The following TARBP1 variants were observed in gnomAD, a reference collection of about 807,000 sequenced individuals.
TARBP1 encodes the protein tRNA guanosine 2 -O-methyltransferase TARBP1.
TARBP1 carries 144 observed loss-of-function variants against 178.6 expected under a neutral mutation model. That is an observed-to-expected ratio of 0.81 (90% CI 0.70 to 0.93). TARBP1 has a LOEUF of 0.93. Ranked by LOEUF, TARBP1 falls within the 40% of genes least tolerant of loss-of-function variation. The probability of loss-of-function intolerance (pLI) is 0.00; values close to 1 mark genes in which losing one functional copy is unlikely to be tolerated. For missense variants in TARBP1, 2,067 were observed against 2,011.7 expected (o/e 1.03, Z -0.53); for synonymous variants, 787 against 781.0 (o/e 1.01, Z -0.13).
At position 234,467,544 on chromosome 1, in the gene TARBP1, CA is replaced by C. The variant is rs1668572677; in HGVS notation, c.1205del (p.Leu402ArgfsTer21). ...AAAATGGAAGAATCTTTGTTTCATA[CA>C]GCTCCAAAAAATGGATAACACCTTC... Reference protein sequence around the residue: ...SKEGVIHFLELYETKILPFSP... With the variant: ...SKEGVIHFLEXYETKILPFSP... On this transcript the variant is annotated frameshift_variant, in exon 4 of 30. Coordinates refer to ENST00000040877, the MANE Select transcript of TARBP1 (RefSeq NM_005646.4). LOFTEE classifies it high-confidence loss of function. 4 of 1,604,130 alleles carry C rather than the reference CA, an allele frequency of 2.5e-6. No individual in the cohort carries two copies. Among genetic ancestry groups the C allele is most frequent in the Non-Finnish European group, 3.4e-6 (4 of 1,177,190 alleles).
At chr1:234,471,323 C>CAAG in intron 2 of TARBP1, 66 bp from the exon 3 acceptor site, 1 of 1,056,432 alleles carries the variant, frequency 9.5e-7, no homozygotes, top group Non-Finnish European at 1.4e-6. Context: ...AGGCAATTTT[C>CAAG]ATCTCTTTAT....
Position 234,393,689 on chromosome 1 carries a change from G to A in TARBP1, c.4392C>T (p.Leu1464=), listed in dbSNP as rs1659638405. ...TGTCGATGAGCGAGGCCACAACGAT[G>A]AGTCTACTAATTGACTTTCCAAGTC... The part of the protein sequence containing the change: ...AARLGKSISR[L]IVVASLIDKP... The change falls in exon 27 of 30, where the codon CTC becomes CTT. Residue 1464 remains leucine, a synonymous_variant. Coordinates refer to ENST00000040877, the MANE Select transcript of TARBP1 (RefSeq NM_005646.4). 6.2e-7 allele frequency: 1 copy of A among 1,613,794 alleles called. No individual in the cohort carries two copies. The highest frequency in any genetic ancestry group is 1.3e-5 in the African/African-American group (1 of 74,914).
At position 234,450,477 on chromosome 1, in the gene TARBP1, A is replaced by C. The variant is rs1666635886; in HGVS notation, c.1812T>G (p.Ala604=). ...SIGLHKTSLN[A]YVKSIVQEYV... ...ACTCTTGAACAATGCTCTTTACATA[A>C]GCATTTAAAGATGTCTTGTGAAGTC... The change falls in exon 10 of 30, where the codon GCT becomes GCG. Residue 604 remains alanine (A), a synonymous_variant. Coordinates refer to ENST00000040877, the MANE Select transcript of TARBP1 (RefSeq NM_005646.4). 3 of 1,610,446 alleles carry C rather than the reference A, an allele frequency of 1.9e-6. No individual in the cohort carries two copies. Among genetic ancestry groups the C allele is most frequent in the Non-Finnish European group, 2.5e-6 (3 of 1,178,616 alleles).
chr1:234,476,037 G>A (rs1417719604), intron 1 of TARBP1, among the ~76,000 whole-genome samples: 3 of 152,078 alleles, frequency 2.0e-5, no homozygotes, highest in South Asian at 2.1e-4. Context: ...AAAAAAAAGC[G>A]ACTCCATAGC....
rs775990802 is a variant in TARBP1 at position 234,429,218 on chromosome 1, G to T, written c.2978C>A (p.Ala993Asp). 1 of 1,609,190 alleles carries T rather than the reference G, an allele frequency of 6.2e-7. No individual in the cohort carries two copies. Among genetic ancestry groups the T allele is most frequent in the Non-Finnish European group, 8.5e-7 (1 of 1,178,870 alleles). ...TQLIFWANLKAFVQFVFDNKV... is the reference protein window; with the variant it reads ...TQLIFWANLKDFVQFVFDNKV... The stretch of plus-strand genomic sequence containing the variant: ...GTTATCAAAAACAAACTGAACAAAA[G>T]CTTTTAAATTAGCCCAGAATATCAG... Residue 993 changes from alanine (A) to aspartate (D), a missense_variant, in exon 17 of 30, where the codon GCT becomes GAT. Ala to Asp is a moderately radical substitution (Grantham distance 126). Coordinates refer to ENST00000040877, the MANE Select transcript of TARBP1 (RefSeq NM_005646.4).
intron 3 of TARBP1, 97 bp downstream of exon 3, chr1:234,471,091 T>A: frequency 1.1e-6 from 1 of 891,866 alleles, no homozygotes; most frequent in Non-Finnish European, 1.7e-6. Context: ...TACACTTTTA[T>A]AGTTTTTCAA....
intron 12 of TARBP1, among the ~76,000 whole-genome samples, chr1:234,437,798 G>T (rs999330970): frequency 6.6e-6 from 1 of 152,220 alleles, no homozygotes; most frequent in South Asian, 2.1e-4. Flanking sequence ...CAGAATGGGC[G>T]CCAGCTTTCT....
At chr1:234,417,166 T>C (rs1449321883) in intron 22 of TARBP1, among the ~76,000 whole-genome samples, 1 of 152,160 alleles carries the variant, frequency 6.6e-6, no homozygotes, top group Non-Finnish European at 1.5e-5. Flanking sequence ...TGTATCACTG[T>C]TGAAAATGGA....
chr1:234,478,219 C>G lies in TARBP1; in HGVS notation c.885G>C (p.Ser295=), dbSNP rs1294884527. 6.2e-7 allele frequency: 1 copy of G among 1,611,940 alleles called. No individual in the cohort carries two copies. Among genetic ancestry groups the G allele is most frequent in the Non-Finnish European group, 8.5e-7 (1 of 1,179,600 alleles). The change falls in exon 1 of 30, where the codon TCG becomes TCC. Residue 295 remains serine (S), a synonymous_variant. Transcript: ENST00000040877. ...AGGTGCAGTCGGCCCCCAGCTCCGC[C>G]GACACCTCCACCGCCCTCTGCAGCA... ...RYLLQRAVEV[S]AELGADCTCG...
rs774312197 is a variant in TARBP1 at position 234,470,375 on chromosome 1, G to A, written c.1099+813C>T. ...AAAGAAATGTGCTGAAATATTCACA[G>A]ATAAAATGATAGGATATCTAGGGAT... On this transcript the variant is annotated intron_variant, in intron 3 of 29. Transcript: ENST00000040877. 4.5e-4 allele frequency among the ~76,000 whole-genome samples: 69 copies of A among 152,116 alleles called. 1 individual carries two copies. Among genetic ancestry groups the A allele is most frequent in the Admixed American group, 3.8e-3 (58 of 15,258 alleles).
chr1:234,472,061 G>A (rs945175069), intron 2 of TARBP1, among the ~76,000 whole-genome samples: 1 of 152,136 alleles, frequency 6.6e-6, no homozygotes, highest in African/African-American at 2.4e-5. Flanking sequence ...TCCTGGACGG[G>A]TGCGGTGGCT....
intron 24 of TARBP1, among the ~76,000 whole-genome samples, chr1:234,401,889 G>A (rs1366017647): frequency 6.6e-6 from 1 of 152,084 alleles, no homozygotes; most frequent in Non-Finnish European, 1.5e-5. Flanking sequence ...ACAGGAGTGA[G>A]AGATCTTTCT....
intron 22 of TARBP1, among the ~76,000 whole-genome samples, chr1:234,416,067 TAAC>T (rs1662382533): frequency 6.6e-6 from 1 of 152,070 alleles, no homozygotes; most frequent in Non-Finnish European, 1.5e-5. Flanking sequence ...CAAATAAAAG[TAAC>T]AACTGGCACT....
rs1662638806 is a variant in TARBP1 at position 234,418,084 on chromosome 1, A to G, written c.3705T>C (p.Tyr1235=). ...TATATAAAAAATATTCTTTACTTAC[A>G]TAAGAAAAACAATCCCAGAACTTTG... ...FLPKFWDCFS[Y]GEENLKTSIC... The change falls in exon 22 of 30, where the codon TAT becomes TAC. Residue 1235 remains tyrosine, a splice_region_variant and synonymous_variant. Transcript: ENST00000040877. 1.5e-6 allele frequency: 2 copies of G among 1,313,206 alleles called. No homozygotes were observed. Among genetic ancestry groups the G allele is most frequent in the Non-Finnish European group, 1.0e-6 (1 of 981,226 alleles). The allele number at this position is 1,313,206 out of a possible 1,614,324, so 81.3% of individuals were successfully genotyped here.
intron 22 of TARBP1, among the ~76,000 whole-genome samples, chr1:234,413,771 G>C (rs1249257051): frequency 6.6e-6 from 1 of 152,190 alleles, no homozygotes; most frequent in Non-Finnish European, 1.5e-5. Flanking sequence ...GCCAAGAGTG[G>C]ATGTAGGCAG....
chr1:234,392,700 A>C, intron 28 of TARBP1, 148 bp from the exon 29 acceptor site: 36 of 570,990 alleles, frequency 6.3e-5, no homozygotes, highest in East Asian at 1.1e-4. Flanking sequence ...CTCTCCCAAC[A>C]TGACATCAAT....
At chr1:234,452,208 G>A (rs1043069465) in intron 9 of TARBP1, among the ~76,000 whole-genome samples, 1 of 151,966 alleles carries the variant, frequency 6.6e-6, no homozygotes, top group African/African-American at 2.4e-5. Flanking sequence ...GCAGTCTCTG[G>A]GTAGGCAGGT....
intron 4 of TARBP1, among the ~76,000 whole-genome samples, chr1:234,467,151 A>G (rs962981882): frequency 6.6e-5 from 10 of 152,200 alleles, no homozygotes; most frequent in Admixed American, 2.6e-4. Context: ...CACTAAACAA[A>G]TAACAGTCAT....
In TARBP1 at chr1:234,478,947, C is replaced by T. The variant is rs1669865234; in HGVS notation, c.157G>A (p.Gly53Ser). The T allele has an allele frequency of 1.4e-6, 2 of 1,453,672 alleles. No homozygotes were observed. The highest frequency in any genetic ancestry group is 9.0e-7 in the Non-Finnish European group (1 of 1,111,798). 90.0% of individuals were successfully genotyped at this position (1,453,672 alleles called of 1,614,324 possible). ...LEDEEARGSG[G>S]AGALPEAARE... ...GCCGCCTCCGGGAGCGCGCCTGCGC[C>T]CCCGCTGCCGCGCGCCTCCTCGTCC... The change falls in exon 1 of 30, where the codon GGC becomes AGC. Residue 53 changes from glycine (G) to serine (S), a missense_variant. Gly to Ser is a moderately conservative substitution (Grantham distance 56, BLOSUM62 0). Coordinates refer to ENST00000040877, the MANE Select transcript of TARBP1 (RefSeq NM_005646.4).
Sources: allele counts gnomAD v4.1 joint callset (sites outside exome capture counted in the v4.1 genomes callset), GRCh38; gene constraint gnomAD v4.1.1; transcripts MANE v1.5; gene names NCBI Gene and HGNC (gene_info 2026-07-23, HGNC 2026-07-21).